Variants in ANO1 observed in about 807,000 individuals in gnomAD.
The protein encoded by ANO1 is anoctamin-1.
Under a neutral mutation model 124.0 loss-of-function variants are expected in ANO1, and 59 were observed. The observed-to-expected ratio is 0.48, with a 90% CI of 0.39 to 0.59. ANO1 has a LOEUF of 0.59. Ranked by LOEUF, ANO1 falls within the 20% of genes least tolerant of loss-of-function variation. The pLI is 0.00. For missense variants in ANO1, 1,059 were observed against 1,328.0 expected (o/e 0.80, Z 3.15); for synonymous variants, 529 against 532.0 (o/e 0.99, Z 0.08).
At position 70,025,765 on chromosome 11, in the gene ANO1, CGAT is replaced by C. The variant is rs577975697; in HGVS notation, c.58+39607_58+39609del. On this transcript the variant is annotated intron_variant, in intron 1 of 27. Coordinates refer to the ANO1 transcript ENST00000531349. ...ATGATGATGATGGTGGTGGTGGTGA[CGAT>C]GATGATGGTGCTGGTGGTAGTGGTG... is the stretch of plus-strand genomic sequence containing the variant. Among the ~76,000 whole-genome samples the C allele has an allele frequency of 9.9e-3, 544 of 54,972 alleles. 7 individuals carry two copies. Among genetic ancestry groups the C allele is most frequent in the African/African-American group, 0.037 (510 of 13,940 alleles). The allele number at this position is 54,972 out of a possible 152,430, so 36.1% of individuals were successfully genotyped here. A position where few individuals can be genotyped will look rare whatever the true frequency, so the allele number is the denominator to read the frequency against.
chr11:70,021,124 A>G (rs10899263), intron 1 of ANO1: 107,257 of 151,566 alleles, frequency 0.71, 38,349 homozygotes, highest in East Asian at 0.94. Context: ...TCGAACCCCC[A>G]TCTTCTACGC....
chr11:70,057,936 A>G (rs376694579), intron 1 of ANO1, among the ~76,000 whole-genome samples: 18 of 152,216 alleles, frequency 1.2e-4, no homozygotes, highest in African/African-American at 4.1e-4. Context: ...GCAGCAAAAA[A>G]TTTTGGCTGT....
intron 1 of ANO1, among the ~76,000 whole-genome samples, chr11:70,036,598 T>TTTTTG (rs529125932): frequency 1.5e-4 from 23 of 150,982 alleles, no homozygotes; most frequent in Admixed American, 7.2e-4. Flanking sequence ...TTTGTTTGTG[T>TTTTTG]TTTTGTTTTG....
chr11:70,115,208 G>A (rs547029863), intron 7 of ANO1, among the ~76,000 whole-genome samples: 71 of 152,144 alleles, frequency 4.7e-4, no homozygotes, highest in African/African-American at 9.4e-4. Flanking sequence ...TGGTCAAGTC[G>A]TCCCCACCTG....
At chr11:70,110,865 C>G (rs1186592611) in intron 6 of ANO1, among the ~76,000 whole-genome samples, 1 of 152,256 alleles carries the variant, frequency 6.6e-6, no homozygotes, top group Non-Finnish European at 1.5e-5. Flanking sequence ...CCCTGGCTTT[C>G]CGGTCCTCTC....
intron 14 of ANO1, among the ~76,000 whole-genome samples, chr11:70,154,981 C>T (rs909764708): frequency 6.6e-6 from 1 of 152,042 alleles, no homozygotes; most frequent in African/African-American, 2.4e-5. Context: ...GCCTGGATGC[C>T]ATCATCTCTA....
At chr11:70,095,386 G>GA (rs1282824810) in intron 2 of ANO1, among the ~76,000 whole-genome samples, 1 of 35,386 alleles carries the variant, frequency 2.8e-5, no homozygotes. Context: ...AAGAAAGAAA[G>GA]AAAGAAAGAA....
At chr11:69,985,988 C>T (rs375764166) in exon 1 of ANO1, 1 of 152,130 alleles carries the variant, frequency 6.6e-6, no homozygotes, top group Admixed American at 6.5e-5. Flanking sequence ...ACAGTCCCCT[C>T]CCGAGCTAGG....
chr11:69,986,322 C>T (rs1317191766), intron 1 of ANO1, among the ~76,000 whole-genome samples: 2 of 152,098 alleles, frequency 1.3e-5, no homozygotes, highest in Non-Finnish European at 2.9e-5. Context: ...AGTCCTCCCC[C>T]CTCCGCGCTG....
chr11:70,170,796 G>C, intron 21 of ANO1, 91 bp from the exon 22 acceptor site: 1 of 1,491,382 alleles, frequency 6.7e-7, no homozygotes, highest in Non-Finnish European at 9.0e-7. Context: ...GCGGCAGCCA[G>C]ACCTGTGCGG....
At chr11:70,062,253 T>C (rs1857603248) in intron 1 of ANO1, among the ~76,000 whole-genome samples, 1 of 151,912 alleles carries the variant, frequency 6.6e-6, no homozygotes, top group African/African-American at 2.4e-5. Context: ...ATTTTGTATT[T>C]TTAGTAGAGA....
intron 22 of ANO1, among the ~76,000 whole-genome samples, 151 bp downstream of exon 22, chr11:70,171,190 A>C (rs1331286631): frequency 6.6e-6 from 1 of 152,198 alleles, no homozygotes; most frequent in Non-Finnish European, 1.5e-5. Context: ...GCCTGGGGGC[A>C]GGTGACACAA....
intron 1 of ANO1, among the ~76,000 whole-genome samples, chr11:69,993,256 T>A (rs1272475478): frequency 6.6e-6 from 1 of 152,214 alleles, no homozygotes; most frequent in Non-Finnish European, 1.5e-5. Context: ...TTACACTTAA[T>A]CAGAATTATT....
chr11:70,181,245 A>G (rs1009840118), intron 23 of ANO1, among the ~76,000 whole-genome samples: 3 of 152,204 alleles, frequency 2.0e-5, no homozygotes, highest in Admixed American at 6.5e-5. Context: ...TGGCTCCCCA[A>G]AGCTGACGGT....
intron 1 of ANO1, among the ~76,000 whole-genome samples, chr11:70,066,605 C>T (rs1169329121): frequency 2.6e-5 from 4 of 151,150 alleles, no homozygotes; most frequent in African/African-American, 7.3e-5. Flanking sequence ...ACATGGAGTC[C>T]TCCTCTCCTT....
intron 22 of ANO1, among the ~76,000 whole-genome samples, chr11:70,176,870 G>A (rs1446884489): frequency 6.6e-6 from 1 of 152,156 alleles, no homozygotes; most frequent in Non-Finnish European, 1.5e-5. Flanking sequence ...AGAATAACTC[G>A]GGGCTCCCAG....
At chr11:70,123,837 A>C (rs1455779005) in intron 8 of ANO1, among the ~76,000 whole-genome samples, 1 of 152,172 alleles carries the variant, frequency 6.6e-6, no homozygotes, top group African/African-American at 2.4e-5. Context: ...ACATGTTCAC[A>C]CAAGGCTTCC....
chr11:70,085,581 A>C, intron 1 of ANO1: 1 of 1,535,942 alleles, frequency 6.5e-7, no homozygotes, highest in Non-Finnish European at 8.7e-7. Context: ...TCCTAGGGCC[A>C]GAGAGGCCAA....
At chr11:70,076,521 G>A (rs899009673), upstream of ANO1, among the ~76,000 whole-genome samples, 2 of 151,974 alleles carry the variant, frequency 1.3e-5, no homozygotes, top group African/African-American at 2.4e-5. Flanking sequence ...CAGTACATTA[G>A]TATTACACAA....
Sources: allele counts gnomAD v4.1 joint callset (sites outside exome capture counted in the v4.1 genomes callset), GRCh38; gene constraint gnomAD v4.1.1; transcripts MANE v1.5; gene names NCBI Gene and HGNC (gene_info 2026-07-23, HGNC 2026-07-21).